The following MSR1 variants were observed in gnomAD, a reference collection of about 807,000 sequenced individuals.
MSR1 encodes macrophage scavenger receptor 1, also known as macrophage scavenger receptor types I and II.
Under a neutral mutation model 47.2 loss-of-function variants are expected in MSR1, and 53 were observed. The ratio of observed to expected loss-of-function variants is 1.12; its 90% CI spans 0.90 to 1.41. MSR1 has a LOEUF of 1.41. Ranked by LOEUF, MSR1 falls within the 40% of genes most tolerant of loss-of-function variation. The pLI is 0.00. For missense variants in MSR1, 786 were observed against 546.9 expected, an observed-to-expected ratio of 1.44 and a Z score of -4.36; for synonymous variants, 239 against 185.6, an observed-to-expected ratio of 1.29 and a Z score of -2.34.
At chr8:16,180,226 GC>G (rs1801788406) in intron 1 of MSR1, among the ~76,000 whole-genome samples, 1 of 151,408 alleles carries the variant, frequency 6.6e-6, no homozygotes, top group African/African-American at 2.4e-5. Flanking sequence ...TACATTGGCA[GC>G]CATATAAATA....
intron 4 of MSR1, 141 bp downstream of exon 4, chr8:16,168,317 T>G (rs1801375471): frequency 1.2e-6 from 1 of 800,496 alleles, no homozygotes; most frequent in East Asian, 2.7e-5. Context: ...GTTTAAAATC[T>G]GGATAAGTTA....
intron 8 of MSR1, among the ~76,000 whole-genome samples, chr8:16,123,823 A>G (rs1800065705): frequency 6.6e-6 from 1 of 152,182 alleles, no homozygotes; most frequent in Admixed American, 6.5e-5. Context: ...GGATAAGATT[A>G]TAGTTAGGTA....
At chr8:16,140,832 A>G in intron 8 of MSR1, 1 of 1,552,902 alleles carries the variant, frequency 6.4e-7, no homozygotes, top group South Asian at 1.3e-5. Context: ...AAACAGCACC[A>G]GGGACCAGGA....
intron 4 of MSR1, among the ~76,000 whole-genome samples, chr8:16,166,391 G>A (rs1327497646): frequency 6.6e-6 from 1 of 151,154 alleles, no homozygotes; most frequent in Non-Finnish European, 1.5e-5. Context: ...TCGAACTCCT[G>A]ACCTCGTGGT....
At chr8:16,160,228 G>A (rs1801124349) in intron 5 of MSR1, among the ~76,000 whole-genome samples, 1 of 151,922 alleles carries the variant, frequency 6.6e-6, no homozygotes, top group Non-Finnish European at 1.5e-5. Context: ...AGAGTCATAA[G>A]AATAATTTAT....
chr8:16,164,300 T>C, intron 4 of MSR1, 49 bp from the exon 5 acceptor site: 3 of 1,514,120 alleles, frequency 2.0e-6, no homozygotes, highest in Non-Finnish European at 2.7e-6. Context: ...TACATAATTA[T>C]CAAATATGAA....
chr8:16,134,322 G>C (rs776074627), intron 8 of MSR1, among the ~76,000 whole-genome samples: 5 of 152,008 alleles, frequency 3.3e-5, no homozygotes, highest in African/African-American at 4.8e-5. Context: ...TTTTAGTGCA[G>C]AATTTTTGAA....
At chr8:16,134,980 A>T (rs2117092649) in intron 8 of MSR1, among the ~76,000 whole-genome samples, 1 of 152,272 alleles carries the variant, frequency 6.6e-6, no homozygotes, top group Non-Finnish European at 1.5e-5. Flanking sequence ...GCAGGAGAAA[A>T]GTTGGAAGCT....
At chr8:16,163,959 G>A (rs351572) in intron 5 of MSR1, 106 bp downstream of exon 5, 585,303 of 924,724 alleles carry the variant, frequency 0.63, 188,978 homozygotes, top group East Asian at 0.96. Context: ...TGTAAGCTCA[G>A]AAACTATTTA....
At chr8:16,179,981 A>G (rs965146194) in intron 1 of MSR1, among the ~76,000 whole-genome samples, 2 of 151,504 alleles carry the variant, frequency 1.3e-5, no homozygotes, top group Non-Finnish European at 2.9e-5. Flanking sequence ...CAGTGGTGCA[A>G]TCTCAGCTCA....
chr8:16,185,857 A>C (rs754022935), intron 1 of MSR1, among the ~76,000 whole-genome samples: 8 of 151,910 alleles, frequency 5.3e-5, no homozygotes, highest in Admixed American at 2.0e-4. Flanking sequence ...AAAAAAAAAA[A>C]AAAACACCAC....
chr8:16,120,252 C>T (rs889173060), intron 9 of MSR1, among the ~76,000 whole-genome samples, 166 bp downstream of exon 9: 2 of 151,756 alleles, frequency 1.3e-5, no homozygotes, highest in African/African-American at 4.8e-5. Context: ...TGGCGCGCGG[C>T]TGTAGTCCCA....
At chr8:16,152,521 G>A (rs1278237723) in intron 6 of MSR1, among the ~76,000 whole-genome samples, 2 of 152,076 alleles carry the variant, frequency 1.3e-5, no homozygotes, top group Admixed American at 1.3e-4. Context: ...GAAGTAAATA[G>A]TACTGGTTGA....
At chr8:16,185,760 A>C (rs1332617019) in intron 1 of MSR1, among the ~76,000 whole-genome samples, 3 of 151,976 alleles carry the variant, frequency 2.0e-5, no homozygotes, top group Non-Finnish European at 4.4e-5. Context: ...ATTAAGAGAG[A>C]GGACAAATTA....
chr8:16,136,931 A>T (rs1350169870), intron 8 of MSR1, among the ~76,000 whole-genome samples: 1 of 152,060 alleles, frequency 6.6e-6, no homozygotes, highest in Non-Finnish European at 1.5e-5. Flanking sequence ...ACACCATGTA[A>T]CTGTCAAGGA....
intron 5 of MSR1, among the ~76,000 whole-genome samples, chr8:16,156,116 G>C (rs137867860): frequency 2.0e-4 from 31 of 151,992 alleles, no homozygotes; most frequent in African/African-American, 7.2e-4. Flanking sequence ...ATCTAAAGAA[G>C]AGCACTTAGT....
At chr8:16,159,114 G>T (rs911664536) in intron 5 of MSR1, among the ~76,000 whole-genome samples, 1 of 151,038 alleles carries the variant, frequency 6.6e-6, no homozygotes, top group Non-Finnish European at 1.5e-5. Flanking sequence ...CAGTCCAGCT[G>T]TTACAATCTC....
intron 8 of MSR1, among the ~76,000 whole-genome samples, chr8:16,136,465 A>G (rs978415653): frequency 1.1e-4 from 16 of 152,204 alleles, no homozygotes; most frequent in African/African-American, 3.6e-4. Flanking sequence ...GCACTGGGAA[A>G]CCAAAAAATT....
chr8:16,145,519 C>A (rs1800673407), intron 7 of MSR1, among the ~76,000 whole-genome samples: 1 of 152,148 alleles, frequency 6.6e-6, no homozygotes. Context: ...TCTTTTCACA[C>A]AGCAACTTGT....
Sources: gnomAD v4.1 joint callset for allele counts (sites outside exome capture counted in the v4.1 genomes callset) on GRCh38, gnomAD v4.1.1 for gene constraint, MANE v1.5 for transcripts, NCBI Gene and HGNC (gene_info 2026-07-23, HGNC 2026-07-21) for gene names.